SNX32: variants seen among roughly 807,000 people sequenced by gnomAD.
SNX32 encodes sorting nexin-32.
SNX32 carries 58 observed loss-of-function variants against 57.0 expected under a neutral mutation model. That is an observed-to-expected ratio of 1.02 (90% CI 0.82 to 1.27). The LOEUF is 1.27. SNX32 is among the 50% of genes most tolerant of loss of function. SNX32 has a pLI of 0.00. For missense variants in SNX32, 589 were observed against 541.2 expected (o/e 1.09, Z -0.88); for synonymous variants, 262 against 220.4 (o/e 1.19, Z -1.67).
At chr11:65,837,749 G>C (rs1333534468) in intron 1 of SNX32, among the ~76,000 whole-genome samples, 1 of 141,540 alleles carries the variant, frequency 7.1e-6, no homozygotes, top group Non-Finnish European at 1.5e-5. Context: ...GAGCCCGGGA[G>C]ATGGAGGTTC....
At chr11:65,848,362 C>T (rs1859058644) in intron 1 of SNX32, among the ~76,000 whole-genome samples, 1 of 151,062 alleles carries the variant, frequency 6.6e-6, no homozygotes, top group Admixed American at 6.6e-5. Context: ...TGCTTGAGCC[C>T]AGGAGTTTGA....
chr11:65,835,857 T>A (rs983176677), intron 1 of SNX32, among the ~76,000 whole-genome samples: 7 of 152,092 alleles, frequency 4.6e-5, no homozygotes, highest in Admixed American at 3.3e-4. Context: ...CAAGAGGGGC[T>A]GAGAGACACA....
In SNX32 at chr11:65,851,081, G is replaced by GA; in HGVS notation, c.631dup (p.Arg211LysfsTer62). ...AGGTGGATGACTTCTTTGAGCATGAGAGGACCTTCCTGTTGGAGTATCACA... is the reference window on the plus strand; with the variant it reads ...AGGTGGATGACTTCTTTGAGCATGAGAAGGACCTTCCTGTTGGAGTATCACA... On this transcript the variant is annotated frameshift_variant, in exon 7 of 13. Transcript: ENST00000308342. LOFTEE classifies it high-confidence loss of function. The GA allele has an allele frequency of 5.0e-6, 8 of 1,614,096 alleles. No homozygotes were observed. In the South Asian group the frequency reaches 8.8e-5, roughly 18 times the overall value.
intron 1 of SNX32, among the ~76,000 whole-genome samples, chr11:65,846,866 C>T (rs1859012288): frequency 6.6e-6 from 1 of 151,900 alleles, no homozygotes; most frequent in Non-Finnish European, 1.5e-5. Context: ...GCCTGTAATC[C>T]CAGCTACCTG....
chr11:65,850,646 C>A, intron 5 of SNX32, 92 bp downstream of exon 5: 12 of 1,558,744 alleles, frequency 7.7e-6, no homozygotes, highest in African/African-American at 1.4e-5. Context: ...GGAGAAGGGG[C>A]CCAAGTGGGC....
chr11:65,853,134 G>A (rs1042209471), intron 12 of SNX32, 148 bp from the exon 13 acceptor site: 49 of 1,321,794 alleles, frequency 3.7e-5, no homozygotes, highest in Middle Eastern at 3.7e-4. Flanking sequence ...CTCAGGACCC[G>A]TGCCTTCTGG....
chr11:65,844,535 T>C (rs559998710), intron 1 of SNX32, among the ~76,000 whole-genome samples: 1 of 152,322 alleles, frequency 6.6e-6, no homozygotes, highest in African/African-American at 2.4e-5. Flanking sequence ...TACACAGTGC[T>C]GCTGGGAGTG....
At chr11:65,851,863 G>A (rs1161270849) in intron 9 of SNX32, among the ~76,000 whole-genome samples, 184 bp downstream of exon 9, 3 of 152,082 alleles carry the variant, frequency 2.0e-5, no homozygotes, top group Admixed American at 6.5e-5. Flanking sequence ...ATCCAGCTTC[G>A]TGTGTGTGTT....
chr11:65,850,435 T>G lies in SNX32; in HGVS notation c.379T>G (p.Tyr127Asp), dbSNP rs1263091485. ...AKMKQELEAE[Y>D]LAIFKKTVAM... Reference sequence around the variant, plus strand: ...GAGCTGCTGCCACTCTCGCAGGGAGTACCTGGCCATCTTTAAGAAGACAGT... The same window carrying G: ...GAGCTGCTGCCACTCTCGCAGGGAGGACCTGGCCATCTTTAAGAAGACAGT... The change falls in exon 5 of 13, where the codon TAC becomes GAC. Residue 127 changes from tyrosine to aspartate, a missense_variant. Coordinates refer to ENST00000308342, the MANE Select transcript of SNX32 (RefSeq NM_152760.3). 1 of 1,614,034 alleles carries G rather than the reference T, an allele frequency of 6.2e-7. No homozygotes were observed. The highest frequency in any genetic ancestry group is 8.5e-7 in the Non-Finnish European group (1 of 1,179,986).
chr11:65,851,299 G>A (rs1859185006), intron 7 of SNX32, 29 bp from the exon 8 acceptor site: 3 of 1,613,120 alleles, frequency 1.9e-6, no homozygotes, highest in African/African-American at 1.3e-5. Flanking sequence ...GCAGATGTAG[G>A]GGCTCTGATG....
intron 6 of SNX32, 35 bp downstream of exon 6, chr11:65,850,890 G>C (rs775393112): frequency 6.3e-7 from 1 of 1,583,784 alleles, no homozygotes; most frequent in African/African-American, 1.3e-5. Flanking sequence ...ATTCAACCCA[G>C]CACCTCAAGT....
In SNX32 at chr11:65,850,148, A is replaced by C; in HGVS notation, c.253-2A>C. On this transcript the variant is annotated splice_acceptor_variant, in intron 3 of 12. Coordinates refer to ENST00000308342, the MANE Select transcript of SNX32 (RefSeq NM_152760.3). LOFTEE classifies it high-confidence loss of function. ...TCCCAGCTCCGTCCCTCCTTTGAGC[A>C]GATCCCCCCAGCCCCTCCGAGGCCA... is the stretch of plus-strand genomic sequence containing the variant. 6.2e-7 allele frequency: 1 copy of C among 1,614,230 alleles called. No homozygotes were observed. Among genetic ancestry groups the C allele is most frequent in the South Asian group, 1.1e-5 (1 of 91,090 alleles).
Position 65,852,613 on chromosome 11 carries a change from T to C in SNX32, c.913-17T>C. 6.2e-7 allele frequency: 1 copy of C among 1,613,034 alleles called. No individual in the cohort carries two copies. The highest frequency in any genetic ancestry group is 1.1e-5 in the South Asian group (1 of 91,026). ...TGCCAGGACAGGGCAGCAGTGACCC[T>C]GTGCCCATGGTCCTAGGACCTGCTG... On this transcript the variant is annotated splice_polypyrimidine_tract_variant and intron_variant, in intron 10 of 12. Coordinates refer to ENST00000308342, the MANE Select transcript of SNX32 (RefSeq NM_152760.3).
chr11:65,852,712 G>A lies in SNX32; in HGVS notation c.995G>A (p.Arg332Gln), dbSNP rs375447568. The A allele has an allele frequency of 2.0e-5, 32 of 1,600,288 alleles. No homozygotes were observed. The highest frequency in any genetic ancestry group is 1.7e-4 in the African/African-American group (13 of 74,716). ...KALDKARTRN[R>Q]EVRPAESHQQ... ...CTGGACAAGGCGCGCACCAGGAACC[G>A]GGAGGTGCGGCCCGCCGAGAGCCAC... The change falls in exon 11 of 13, where the codon CGG (arginine) becomes CAG (glutamine). Residue 332 changes from arginine to glutamine, a missense_variant. Arg to Gln is a conservative substitution (Grantham distance 43). Coordinates refer to ENST00000308342, the MANE Select transcript of SNX32 (RefSeq NM_152760.3).
chr11:65,852,207 TC>T (rs1016820969), intron 9 of SNX32, among the ~76,000 whole-genome samples: 6 of 151,918 alleles, frequency 3.9e-5, no homozygotes, highest in Non-Finnish European at 8.8e-5. Flanking sequence ...AACTAAAGTT[TC>T]CCTGAACACA....
intron 1 of SNX32, among the ~76,000 whole-genome samples, chr11:65,845,135 TAAAA>T (rs766803127): frequency 2.5e-4 from 25 of 101,958 alleles, no homozygotes; most frequent in African/African-American, 8.8e-4. Context: ...CCCCCTGCTT[TAAAA>T]AAAAAAAAAA....
At chr11:65,847,968 C>T (rs1859048665) in intron 1 of SNX32, among the ~76,000 whole-genome samples, 1 of 151,936 alleles carries the variant, frequency 6.6e-6, no homozygotes, top group South Asian at 2.1e-4. Flanking sequence ...GGCCAGTGAC[C>T]TCAGGGTCAA....
chr11:65,852,236 C>T lies in SNX32; in HGVS notation c.826-229C>T, dbSNP rs150617845. Among the ~76,000 whole-genome samples, 7 of 152,274 alleles carry T rather than the reference C, an allele frequency of 4.6e-5. 1 individual carries two copies. The East Asian group carries it at 1.4e-3, about 29-fold the overall frequency. On this transcript the variant is annotated intron_variant, in intron 9 of 12. Transcript: ENST00000308342. Reference sequence around the variant, plus strand: ...TGAACACATAGCCGGGCTTGCACAGCTGCCAAGCCCTCAGCGCCCTCTGTC... The same window carrying T: ...TGAACACATAGCCGGGCTTGCACAGTTGCCAAGCCCTCAGCGCCCTCTGTC...
At chr11:65,848,594 T>C (rs1474873731) in intron 1 of SNX32, among the ~76,000 whole-genome samples, 1 of 152,156 alleles carries the variant, frequency 6.6e-6, no homozygotes, top group Non-Finnish European at 1.5e-5. Context: ...ACATGTTGAA[T>C]AGCTCAATGC....
Sources: allele counts gnomAD v4.1 joint callset (sites outside exome capture counted in the v4.1 genomes callset), GRCh38; gene constraint gnomAD v4.1.1; transcripts MANE v1.5; gene names NCBI Gene and HGNC (gene_info 2026-07-23, HGNC 2026-07-21).